Variants in AATK observed in about 807,000 individuals in gnomAD.
AATK encodes the protein lemur tail kinase 1, also known as serine/threonine-protein kinase LMTK1.
Under a neutral mutation model 114.3 loss-of-function variants are expected in AATK, and 91 were observed. That is an observed-to-expected ratio of 0.80 (90% CI 0.67 to 0.95). The LOEUF (loss-of-function observed/expected upper bound fraction) is 0.95. Among genes scored for constraint, AATK ranks in the 40% least tolerant of loss-of-function variants. The pLI, the probability that AATK is intolerant of heterozygous loss-of-function variation, is 0.00. For missense variants in AATK, 2,176 were observed against 1,965.2 expected, an observed-to-expected ratio of 1.11 and a Z score of -2.03; for synonymous variants, 1,075 against 916.5, an observed-to-expected ratio of 1.17 and a Z score of -3.12.
chr17:81,121,107 G>A lies in AATK; in HGVS notation c.2829C>T (p.Asn943=). The change falls in exon 11 of 14, where the codon AAC becomes AAT. Residue 943 remains asparagine, a synonymous_variant. Transcript: ENST00000326724. ...TGAGCACAAACTCAGGGGACTCATA[G>A]TTCTCGGTGTCATAGCCACTGTCCA... The part of the protein sequence containing the change: ...RALDSGYDTE[N]YESPEFVLKE... 1 of 1,605,342 alleles carries A rather than the reference G, an allele frequency of 6.2e-7. No homozygotes were observed. The highest frequency in any genetic ancestry group is 8.5e-7 in the Non-Finnish European group (1 of 1,176,374).
In AATK at chr17:81,124,861, G is replaced by C. The variant is rs749296735; in HGVS notation, c.841-13C>G. 2 of 1,600,398 alleles carry C rather than the reference G, an allele frequency of 1.2e-6. No homozygotes were observed. Among genetic ancestry groups the C allele is most frequent in the South Asian group, 2.2e-5 (2 of 89,470 alleles). On this transcript the variant is annotated splice_polypyrimidine_tract_variant and intron_variant, in intron 8 of 13. Transcript: ENST00000326724. ...CGAAGTAGTCCTCCTGTTGGCACAG[G>C]GACGGGTCACCCCTGCCGGCGCAGG... is the stretch of plus-strand genomic sequence containing the variant.
chr17:81,157,067 G>A (rs548546284), intron 1 of AATK, among the ~76,000 whole-genome samples: 14 of 152,302 alleles, frequency 9.2e-5, no homozygotes, highest in Admixed American at 7.8e-4. Flanking sequence ...AGTCACTCCC[G>A]AGACCAGACA....
Position 81,122,445 on chromosome 17 carries a change from G to A in AATK, c.1491C>T (p.Gly497=), listed in dbSNP as rs2060711929. The stretch of plus-strand genomic sequence containing the variant: ...ACAGCTCCTGCAGGCGTGCGGTGCG[G>A]CCAGGGCTCAGCGTGGCCGGGAAGG... The part of the protein sequence containing the change: ...AEAFPATLSP[G]RTARLQELCA... Residue 497 remains glycine (G), a synonymous_variant, in exon 11 of 14, where the codon GGC becomes GGT. Transcript: ENST00000326724. 6.9e-7 allele frequency: 1 copy of A among 1,456,758 alleles called. No individual in the cohort carries two copies. Among genetic ancestry groups the A allele is most frequent in the South Asian group, 1.3e-5 (1 of 78,314 alleles). 90.2% of individuals were successfully genotyped at this position (1,456,758 alleles called of 1,614,324 possible). A position where few individuals can be genotyped will look rare whatever the true frequency, so the allele number is the denominator to read the frequency against.
At chr17:81,152,276 C>CAA (rs57541818) in intron 1 of AATK, among the ~76,000 whole-genome samples, 1 of 151,458 alleles carries the variant, frequency 6.6e-6, no homozygotes, top group Non-Finnish European at 1.5e-5. Context: ...GACTCAGTCT[C>CAA]AAAAAAAATA....
rs775822595 is a variant in AATK, at chr17:81,119,937, C to G, written c.3882G>C (p.Glu1294Asp). The stretch of plus-strand genomic sequence containing the variant: ...GGGCCCAGCCCCGCCCCTGCTCACC[C>G]TCTTCCGCTGTGGAGCCATTTGGGG... ...DGSPNGSTAE[E>D]GGGFAWDDDF... The change falls in exon 12 of 14, where the codon GAG (glutamate) becomes GAC (aspartate). Residue 1294 changes from glutamate (E) to aspartate (D), a missense_variant and splice_region_variant. Physicochemically the swap from Glu to Asp is conservative, Grantham distance 45 (BLOSUM62 2). Around this residue, in one of 4 missense-constraint regions of AATK, gnomAD observed 1,701 missense variants for 1,394.7 expected, o/e 1.22. Transcript: ENST00000326724. The G allele has an allele frequency of 1.5e-5, 21 of 1,441,270 alleles. No homozygotes were observed. The highest frequency in any genetic ancestry group is 1.9e-5 in the Non-Finnish European group (21 of 1,099,580). The allele number at this position is 1,441,270 out of a possible 1,614,324, so 89.3% of individuals were successfully genotyped here.
intron 7 of AATK, 33 bp from the exon 8 acceptor site, chr17:81,125,047 AGCAG>A (rs1568225112): frequency 2.1e-4 from 11 of 51,800 alleles, no homozygotes; most frequent in Admixed American, 6.6e-4. Flanking sequence ...GGGCAGGGTG[AGCAG>A]GGTGAGCAGG....
intron 1 of AATK, among the ~76,000 whole-genome samples, chr17:81,142,205 C>T (rs540936831): frequency 1.1e-3 from 171 of 152,232 alleles, no homozygotes; most frequent in African/African-American, 3.7e-3. Context: ...GTGATCCACC[C>T]ACCTTGGCCT....
rs2061486658 is a variant in AATK, at chr17:81,166,015, C to T, written c.-23G>A. 10 of 1,542,022 alleles carry T rather than the reference C, an allele frequency of 6.5e-6. No homozygotes were observed. Among genetic ancestry groups the T allele is most frequent in the Non-Finnish European group, 8.7e-6 (10 of 1,146,202 alleles). On this transcript the variant is annotated 5_prime_UTR_variant, in exon 1 of 14. An upstream start codon of the reference 5' UTR is lost. Coordinates refer to ENST00000326724, the MANE Select transcript of AATK (RefSeq NM_001080395.3). ...CATGGCCGGGCCAGCGGCCGGCGGG[C>T]ATCCCGGGAGGGCGCTGCGCTCAGG...
At chr17:81,151,056 G>C (rs1488380626) in intron 1 of AATK, among the ~76,000 whole-genome samples, 7 of 152,166 alleles carry the variant, frequency 4.6e-5, no homozygotes, top group Non-Finnish European at 7.4e-5. Flanking sequence ...GACAGGAGAA[G>C]GGAGGAAGGG....
At chr17:81,118,558 C>A in intron 13 of AATK, 116 bp from the exon 14 acceptor site, 3 of 1,074,048 alleles carry the variant, frequency 2.8e-6, no homozygotes, top group Non-Finnish European at 4.2e-6. Flanking sequence ...CCCTTCCCTG[C>A]AGCAGATCTG....
At chr17:81,161,089 C>T (rs907250371) in intron 1 of AATK, among the ~76,000 whole-genome samples, 6 of 152,266 alleles carry the variant, frequency 3.9e-5, no homozygotes, top group Admixed American at 3.3e-4. Flanking sequence ...CCTGATGTCT[C>T]GAGGCAGCTG....
At chr17:81,127,270 C>CCA (rs1555695240) in intron 6 of AATK, among the ~76,000 whole-genome samples, 6 of 151,988 alleles carry the variant, frequency 3.9e-5, no homozygotes, top group Non-Finnish European at 7.4e-5. Flanking sequence ...GCCAGTGCCC[C>CCA]CCCCCAGTTG....
chr17:81,141,391 C>T (rs999679271), intron 1 of AATK, among the ~76,000 whole-genome samples: 1 of 152,298 alleles, frequency 6.6e-6, no homozygotes, highest in Admixed American at 6.5e-5. Context: ...ACGGAGGTTG[C>T]GGTGAGCTGA....
In AATK at chr17:81,123,353, G is replaced by A. The variant is rs1020572591; in HGVS notation, c.963-10C>T. ...GGTCACGCCCAGGGACCTGTGGGGCGACAGCCGTGAGCCAGGGCTGGGCAC... is the reference window on the plus strand; with the variant it reads ...GGTCACGCCCAGGGACCTGTGGGGCAACAGCCGTGAGCCAGGGCTGGGCAC... On this transcript the variant is annotated splice_polypyrimidine_tract_variant and intron_variant, in intron 9 of 13. Coordinates refer to ENST00000326724, the MANE Select transcript of AATK (RefSeq NM_001080395.3). 4.6e-5 allele frequency: 63 copies of A among 1,360,668 alleles called. No individual in the cohort carries two copies. Among genetic ancestry groups the A allele is most frequent in the Admixed American group, 4.1e-4 (11 of 26,914 alleles). The allele number at this position is 1,360,668 out of a possible 1,614,324, so 84.3% of individuals were successfully genotyped here. A position where few individuals can be genotyped will look rare whatever the true frequency, so the allele number is the denominator to read the frequency against.
chr17:81,149,964 A>G (rs926236035), intron 1 of AATK, among the ~76,000 whole-genome samples: 1 of 151,976 alleles, frequency 6.6e-6, no homozygotes, highest in Non-Finnish European at 1.5e-5. Context: ...TTTTAATGGG[A>G]AATAACAAGT....
Position 81,153,648 on chromosome 17 carries a change from C to T in AATK, c.55+12290G>A, listed in dbSNP as rs116336606. Among the ~76,000 whole-genome samples, 632 of 152,284 alleles carry T rather than the reference C, an allele frequency of 4.2e-3. 7 individuals carry two copies. Among genetic ancestry groups the T allele is most frequent in the African/African-American group, 0.014 (595 of 41,538 alleles). ...GTTGCTCCGTCACCAGCACTATTTC[C>T]GCCAAATCTGCGGTCTGTGTATGAG... On this transcript the variant is annotated intron_variant, in intron 1 of 13. Coordinates refer to ENST00000326724, the MANE Select transcript of AATK (RefSeq NM_001080395.3).
intron 12 of AATK, 123 bp from the exon 13 acceptor site, chr17:81,119,703 AT>A: frequency 1.3e-6 from 1 of 753,200 alleles, no homozygotes; most frequent in African/African-American, 3.1e-5. Flanking sequence ...CCCGCCTCCC[AT>A]GATGTCACGG....
intron 1 of AATK, among the ~76,000 whole-genome samples, chr17:81,140,169 G>A (rs112682117): frequency 4.6e-5 from 7 of 152,256 alleles, no homozygotes; most frequent in African/African-American, 1.4e-4. Flanking sequence ...TGACAGGCAC[G>A]TGCCACCGGG....
intron 13 of AATK, 119 bp downstream of exon 13, chr17:81,119,261 C>A (rs1415153567): frequency 8.3e-6 from 9 of 1,082,364 alleles, no homozygotes; most frequent in Non-Finnish European, 1.1e-5. Flanking sequence ...CGGGAAGGAG[C>A]GGAGCGGAGC....
Sources: gnomAD v4.1 joint callset for allele counts (sites outside exome capture counted in the v4.1 genomes callset) on GRCh38, gnomAD v4.1.1 for gene constraint, gnomAD v4.1.1 regional missense constraint, MANE v1.5 for transcripts, NCBI Gene and HGNC (gene_info 2026-07-23, HGNC 2026-07-21) for gene names.